MEIS2: variants seen among roughly 807,000 people sequenced by gnomAD.
MEIS2 encodes the protein Meis homeobox 2.
A neutral mutation model predicts 58.6 loss-of-function variants in MEIS2; 9 were observed. That is an observed-to-expected ratio of 0.15 (90% CI 0.09 to 0.27). The LOEUF is 0.27. Ranked by LOEUF, MEIS2 falls within the 10% of genes least tolerant of loss-of-function variation. The pLI is 1.00. For synonymous variants in MEIS2, 221 were observed against 228.4 expected (o/e 0.97, Z 0.29); for missense variants, 427 against 635.0 (o/e 0.67, Z 3.52).
chr15:36,997,055 C>T (rs1382069549), intron 8 of MEIS2, among the ~76,000 whole-genome samples: 1 of 152,184 alleles, frequency 6.6e-6, no homozygotes, highest in Non-Finnish European at 1.5e-5. Flanking sequence ...GGGTAAAAAG[C>T]ATTGTATAGG....
intron 8 of MEIS2, among the ~76,000 whole-genome samples, chr15:36,963,635 G>T (rs142360769): frequency 1.7e-4 from 26 of 152,182 alleles, no homozygotes; most frequent in African/African-American, 5.8e-4. Context: ...TTTTGAAATG[G>T]CCTGGGAACA....
At chr15:37,086,620 T>C (rs1174041537) in intron 6 of MEIS2, among the ~76,000 whole-genome samples, 2 of 152,180 alleles carry the variant, frequency 1.3e-5, no homozygotes, top group Non-Finnish European at 2.9e-5. Flanking sequence ...AAAAGTGTCA[T>C]GTTTATTTCC....
At chr15:36,974,248 A>G (rs371547433) in intron 8 of MEIS2, among the ~76,000 whole-genome samples, 1 of 152,340 alleles carries the variant, frequency 6.6e-6, no homozygotes, top group South Asian at 2.1e-4. Context: ...AATTCAAAAA[A>G]TGAATTTCAG....
intron 2 of MEIS2, among the ~76,000 whole-genome samples, chr15:37,097,681 T>C (rs1894452865): frequency 6.6e-6 from 1 of 152,180 alleles, no homozygotes; most frequent in Admixed American, 6.5e-5. Context: ...AGGAATCCTG[T>C]CCTCGGGGAG....
chr15:36,998,118 G>C (rs2060591087), intron 8 of MEIS2, among the ~76,000 whole-genome samples: 1 of 152,094 alleles, frequency 6.6e-6, no homozygotes, highest in African/African-American at 2.4e-5. Context: ...ACGGGCTATA[G>C]GTTGTTCATG....
At chr15:36,893,813 C>A (rs12908044) in intron 11 of MEIS2, among the ~76,000 whole-genome samples, 105,388 of 152,038 alleles carry the variant, frequency 0.69, 37,646 homozygotes, top group East Asian at 0.98. Context: ...ACCCCCTGAG[C>A]TCCCCTATAA....
At chr15:36,902,765 A>G (rs1413528128) in intron 9 of MEIS2, among the ~76,000 whole-genome samples, 1 of 152,186 alleles carries the variant, frequency 6.6e-6, no homozygotes, top group East Asian at 1.9e-4. Context: ...TCTTAGATCT[A>G]AACAGCCTTT....
chr15:37,094,043 A>G, intron 5 of MEIS2: 3 of 340,184 alleles, frequency 8.8e-6, no homozygotes, highest in Non-Finnish European at 1.6e-5. Flanking sequence ...ATTTGATAAT[A>G]ACATCAAAAC....
intron 6 of MEIS2, among the ~76,000 whole-genome samples, chr15:37,093,173 C>T (rs1031027230): frequency 6.6e-6 from 1 of 152,202 alleles, no homozygotes; most frequent in Non-Finnish European, 1.5e-5. Context: ...AATTCTCTTT[C>T]ATTCAGTCCT....
chr15:36,975,782 T>C (rs1595852093), intron 8 of MEIS2, among the ~76,000 whole-genome samples: 1 of 152,270 alleles, frequency 6.6e-6, no homozygotes, highest in South Asian at 2.1e-4. Context: ...AGGAATAATT[T>C]CAAGAGATCT....
chr15:37,047,584 A>G (rs1485973789), intron 7 of MEIS2, among the ~76,000 whole-genome samples: 2 of 152,204 alleles, frequency 1.3e-5, no homozygotes, highest in Non-Finnish European at 2.9e-5. Flanking sequence ...TGGCCATTGA[A>G]ATAAAGACCC....
intron 8 of MEIS2, among the ~76,000 whole-genome samples, chr15:36,972,582 T>C (rs2141472632): frequency 6.6e-6 from 1 of 152,304 alleles, no homozygotes; most frequent in Admixed American, 6.5e-5. Flanking sequence ...TAAAAATTCA[T>C]TTATGTGTCT....
intron 8 of MEIS2, among the ~76,000 whole-genome samples, chr15:36,999,069 A>G (rs1200159088): frequency 6.6e-6 from 1 of 152,180 alleles, no homozygotes; most frequent in East Asian, 1.9e-4. Context: ...CATCATTTTG[A>G]AAATAATTGC....
intron 8 of MEIS2, among the ~76,000 whole-genome samples, chr15:37,020,697 C>T (rs2141672504): frequency 6.7e-6 from 1 of 149,530 alleles, no homozygotes; most frequent in East Asian, 1.9e-4. Flanking sequence ...TTTAATCTCA[C>T]CACAACCTAA....
chr15:37,049,873 A>G (rs2141800195), intron 7 of MEIS2, among the ~76,000 whole-genome samples: 1 of 151,982 alleles, frequency 6.6e-6, no homozygotes, highest in Non-Finnish European at 1.5e-5. Flanking sequence ...GTTGAACTTG[A>G]AGGTATCCAT....
rs150412371 is a variant in MEIS2, at chr15:37,000,494, A to G, written c.900+36320T>C. The stretch of plus-strand genomic sequence containing the variant: ...TCATGTTTCCCAAGGAGCAAACCCC[A>G]GTCTTGATACTACTTGAAGATGATC... On this transcript the variant is annotated intron_variant, in intron 8 of 11. Transcript: ENST00000561208. Among the ~76,000 whole-genome samples the G allele has an allele frequency of 2.5e-3, 388 of 152,278 alleles. 2 individuals are homozygous for G. The highest frequency in any genetic ancestry group is 8.9e-3 in the African/African-American group (369 of 41,560).
chr15:37,020,936 T>C (rs903950846), intron 8 of MEIS2, among the ~76,000 whole-genome samples: 3 of 152,138 alleles, frequency 2.0e-5, no homozygotes, highest in East Asian at 1.9e-4. Flanking sequence ...TATTTGGAGA[T>C]AGGGCTTTTA....
At chr15:36,923,164 G>C (rs977754678) in intron 9 of MEIS2, among the ~76,000 whole-genome samples, 3 of 152,104 alleles carry the variant, frequency 2.0e-5, no homozygotes, top group African/African-American at 4.8e-5. Flanking sequence ...TTTCTGGAGG[G>C]CACAAAAGGT....
At position 36,971,536 on chromosome 15, in the gene MEIS2, T is replaced by TAAAAAAAAAAAAAAAAAAAAAAAAAAAA. The variant is rs1567126001; in HGVS notation, c.901-21137_901-21136insTTTTTTTTTTTTTTTTTTTTTTTTTTTT. Among the ~76,000 whole-genome samples the TAAAAAAAAAAAAAAAAAAAAAAAAAAAA allele has an allele frequency of 1.5e-4, 10 of 65,436 alleles. 2 individuals are homozygous for TAAAAAAAAAAAAAAAAAAAAAAAAAAAA. Among genetic ancestry groups the TAAAAAAAAAAAAAAAAAAAAAAAAAAAA allele is most frequent in the Admixed American group, 3.9e-4 (2 of 5,078 alleles). 42.9% of individuals were successfully genotyped at this position (65,436 alleles called of 152,430 possible). On this transcript the variant is annotated intron_variant, in intron 8 of 11. Coordinates refer to ENST00000561208, the MANE Select transcript of MEIS2 (RefSeq NM_170675.5). ...TGTATTACTTGTATGCCTTGTTACA[T>TAAAAAAAAAAAAAAAAAAAAAAAAAAAA]TAAAAAAAAAAAAAAAAAAAAAAAA...
Sources: gnomAD v4.1 joint callset for allele counts (sites outside exome capture counted in the v4.1 genomes callset) on GRCh38, gnomAD v4.1.1 for gene constraint, MANE v1.5 for transcripts, NCBI Gene and HGNC (gene_info 2026-07-23, HGNC 2026-07-21) for gene names.